Variants in CDCP1 observed in about 807,000 individuals in gnomAD.
CDCP1 encodes CUB domain-containing protein 1.
In CDCP1, 29 loss-of-function variants were observed where a neutral mutation model predicts 60.2. That is an observed-to-expected ratio of 0.48 (90% CI 0.36 to 0.66). CDCP1 has a LOEUF of 0.66. Ranked by LOEUF, CDCP1 falls within the 30% of genes least tolerant of loss-of-function variation. CDCP1 has a pLI of 0.00. For missense variants in CDCP1, 876 were observed against 1,074.3 expected (o/e 0.82, Z 2.58); for synonymous variants, 387 against 431.1 (o/e 0.90, Z 1.27).
chr3:45,136,500 T>C lies in CDCP1; in HGVS notation c.82+9706A>G, dbSNP rs577873811. Among the ~76,000 whole-genome samples the C allele has an allele frequency of 2.6e-5, 4 of 152,314 alleles. No individual in the cohort carries two copies. In the East Asian group the frequency reaches 5.8e-4, roughly 22 times the overall value. On this transcript the variant is annotated intron_variant, in intron 1 of 8. Transcript: ENST00000296129. ...AGGTGATCTCCAGTTATCCATCAAA[T>C]AATAAATCAAATTTTCTAGGCCTGC...
At chr3:45,109,665 C>T (rs1698654616) in intron 4 of CDCP1, among the ~76,000 whole-genome samples, 1 of 151,986 alleles carries the variant, frequency 6.6e-6, no homozygotes, top group Admixed American at 6.6e-5. Flanking sequence ...GCAAGCCAGG[C>T]ACCTAGGGAG....
intron 4 of CDCP1, among the ~76,000 whole-genome samples, chr3:45,105,129 G>C (rs975444666): frequency 1.3e-5 from 2 of 152,168 alleles, no homozygotes; most frequent in African/African-American, 4.8e-5. Context: ...CTATTTAATA[G>C]TTATTGACAC....
intron 8 of CDCP1, among the ~76,000 whole-genome samples, chr3:45,087,136 C>T (rs1330660659): frequency 2.0e-5 from 3 of 152,172 alleles, no homozygotes; most frequent in Non-Finnish European, 4.4e-5. Flanking sequence ...AGTCCCCCTG[C>T]CCCCATAGAA....
chr3:45,130,754 G>A (rs2126006051), intron 1 of CDCP1, among the ~76,000 whole-genome samples: 1 of 152,340 alleles, frequency 6.6e-6, no homozygotes, highest in South Asian at 2.1e-4. Flanking sequence ...TTGCTTACAG[G>A]TGTTGTCCCT....
intron 1 of CDCP1, among the ~76,000 whole-genome samples, chr3:45,143,135 C>T (rs1471221606): frequency 1.3e-5 from 2 of 152,044 alleles, no homozygotes; most frequent in Non-Finnish European, 2.9e-5. Flanking sequence ...ACCTGGGAGA[C>T]GGAGGTTGCA....
intron 1 of CDCP1, among the ~76,000 whole-genome samples, chr3:45,128,532 C>T (rs1699037849): frequency 6.6e-6 from 1 of 152,168 alleles, no homozygotes; most frequent in Non-Finnish European, 1.5e-5. Context: ...AGATTAATTA[C>T]AGAAGAGAGT....
At chr3:45,127,570 G>C (rs1699024475) in intron 1 of CDCP1, among the ~76,000 whole-genome samples, 1 of 152,240 alleles carries the variant, frequency 6.6e-6, no homozygotes, top group Admixed American at 6.5e-5. Flanking sequence ...ATGCAAGTTT[G>C]AGTCAATTTC....
intron 4 of CDCP1, among the ~76,000 whole-genome samples, chr3:45,098,933 G>A (rs1004629627): frequency 2.6e-5 from 4 of 151,854 alleles, no homozygotes; most frequent in African/African-American, 9.7e-5. Flanking sequence ...CAATAAATTT[G>A]AAAACATTAG....
chr3:45,123,049 C>CT (rs1202656992), intron 1 of CDCP1, among the ~76,000 whole-genome samples: 2 of 150,796 alleles, frequency 1.3e-5, no homozygotes, highest in South Asian at 2.1e-4. Context: ...TTCGCTTTTA[C>CT]TTTTTTTTCC....
intron 4 of CDCP1, 96 bp downstream of exon 4, chr3:45,110,377 G>A: frequency 1.3e-6 from 2 of 1,510,988 alleles, no homozygotes; most frequent in South Asian, 2.7e-5. Flanking sequence ...AGAAGCCACA[G>A]ATGAGAAACA....
intron 6 of CDCP1, 48 bp downstream of exon 6, chr3:45,093,225 CAAAT>C (rs1698327107): frequency 6.4e-7 from 1 of 1,553,322 alleles, no homozygotes; most frequent in East Asian, 2.3e-5. Context: ...AAACTAAAAT[CAAAT>C]AAACGCTTAA....
intron 1 of CDCP1, among the ~76,000 whole-genome samples, chr3:45,138,609 G>A (rs1699229339): frequency 1.3e-5 from 2 of 152,246 alleles, no homozygotes; most frequent in Non-Finnish European, 2.9e-5. Context: ...TTGGGAGGCT[G>A]AGGCCGAGGC....
At chr3:45,127,186 C>T (rs1699015056) in intron 1 of CDCP1, among the ~76,000 whole-genome samples, 2 of 152,202 alleles carry the variant, frequency 1.3e-5, no homozygotes, top group African/African-American at 2.4e-5. Context: ...TCCTTCATGT[C>T]AAAGTAATTT....
At position 45,112,223 on chromosome 3, in the gene CDCP1, A is replaced by G. The variant is rs758814042; in HGVS notation, c.515T>C (p.Val172Ala). The G allele has an allele frequency of 6.8e-6, 11 of 1,614,030 alleles. No homozygotes were observed. ...ATTGCTGCAGAAGGTTCCGATCCTG[A>G]CCACGGTGGCATCGATTCGGCCGCT... ...SISGRIDATV[V>A]RIGTFCSNGT... is the part of the protein sequence containing the mutation. The change falls in exon 3 of 9, where the codon GTC (valine) becomes GCC (alanine). Residue 172 changes from valine (V) to alanine (A), a missense_variant. Val to Ala is a moderately conservative substitution (Grantham distance 64). Coordinates refer to ENST00000296129, the MANE Select transcript of CDCP1 (RefSeq NM_022842.5).
At chr3:45,089,416 C>T (rs1234321127) in intron 7 of CDCP1, among the ~76,000 whole-genome samples, 2 of 152,186 alleles carry the variant, frequency 1.3e-5, no homozygotes, top group African/African-American at 4.8e-5. Flanking sequence ...AAGCCAGCTA[C>T]TATGTAAGAA....
intron 1 of CDCP1, among the ~76,000 whole-genome samples, chr3:45,135,007 G>A (rs1335100871): frequency 6.6e-6 from 1 of 152,208 alleles, no homozygotes; most frequent in East Asian, 1.9e-4. Context: ...AAGGGTGACT[G>A]CAGTAAAAGG....
In CDCP1 at chr3:45,146,206, C is replaced by T. The variant is rs1353766411; in HGVS notation, c.82G>A (p.Glu28Lys). The T allele has an allele frequency of 1.9e-6, 3 of 1,592,696 alleles. No individual in the cohort carries two copies. Among genetic ancestry groups the T allele is most frequent in the Admixed American group, 3.4e-5 (2 of 58,336 alleles). The change falls in exon 1 of 9, where the codon GAA (glutamate) becomes AAA (lysine). Residue 28 changes from glutamate (E) to lysine (K), a missense_variant and splice_region_variant. Transcript: ENST00000296129. ...LGAARLPRGA[E>K]AFEIALPRES... Reference sequence around the variant, plus strand: ...TCCGCCTCCAAAGCCCGGCACTCACCTGCCCCGCGCGGCAGGCGCGCCGCA... The same window carrying T: ...TCCGCCTCCAAAGCCCGGCACTCACTTGCCCCGCGCGGCAGGCGCGCCGCA...
intron 1 of CDCP1, among the ~76,000 whole-genome samples, chr3:45,123,041 C>T (rs1043825385): frequency 8.0e-5 from 12 of 149,694 alleles, no homozygotes; most frequent in Admixed American, 4.0e-4. Context: ...AGTAGGGATT[C>T]GCTTTTACTT....
At chr3:45,117,329 T>C (rs1310705021) in intron 2 of CDCP1, among the ~76,000 whole-genome samples, 1 of 152,212 alleles carries the variant, frequency 6.6e-6, no homozygotes, top group Non-Finnish European at 1.5e-5. Flanking sequence ...TATCTATAGT[T>C]TATTTAAGTA....
Sources: allele counts gnomAD v4.1 joint callset (sites outside exome capture counted in the v4.1 genomes callset), GRCh38; gene constraint gnomAD v4.1.1; transcripts MANE v1.5; gene names NCBI Gene and HGNC (gene_info 2026-07-23, HGNC 2026-07-21).